Variants in SHOC2 observed in about 807,000 individuals in gnomAD.
SHOC2 encodes the protein leucine-rich repeat protein SHOC-2.
SHOC2 carries 4 observed loss-of-function variants against 50.2 expected under a neutral mutation model. The ratio of observed to expected loss-of-function variants is 0.08; its 90% CI spans 0.04 to 0.18. SHOC2 has a LOEUF of 0.18. Ranked by LOEUF, SHOC2 falls within the 10% of genes least tolerant of loss-of-function variation. SHOC2 has a pLI of 1.00. For synonymous variants in SHOC2, 218 were observed against 244.5 expected (o/e 0.89, Z 1.01); for missense variants, 388 against 669.6 (o/e 0.58, Z 4.64).
intron 3 of SHOC2, among the ~76,000 whole-genome samples, chr10:110,993,142 C>T (rs1378522544): frequency 6.6e-6 from 1 of 152,146 alleles, no homozygotes; most frequent in East Asian, 1.9e-4. Context: ...AGCTAAATGC[C>T]AGTGATTGGC....
At chr10:110,985,901 A>G (rs1848067576) in intron 3 of SHOC2, 136 bp downstream of exon 3, 1 of 729,654 alleles carries the variant, frequency 1.4e-6, no homozygotes, top group Non-Finnish European at 2.3e-6. Context: ...TTTTAAGATA[A>G]TATTTTAAAA....
At chr10:110,997,136 G>A (rs1228120228) in intron 3 of SHOC2, among the ~76,000 whole-genome samples, 1 of 152,074 alleles carries the variant, frequency 6.6e-6, no homozygotes, top group East Asian at 1.9e-4. Flanking sequence ...TGACTTAGAA[G>A]CCAGAATTAA....
rs1389535387 is a variant in SHOC2, at chr10:110,990,772, A to AT, written c.841+5007_841+5008insT. ...TCAAAAAAAACAAAAACAAAAAACA[A>AT]AAAAAAACACAACAAAATGTTGCTT... On this transcript the variant is annotated intron_variant, in intron 3 of 8. Coordinates refer to ENST00000369452, the MANE Select transcript of SHOC2 (RefSeq NM_007373.4). 8.6e-5 allele frequency among the ~76,000 whole-genome samples: 13 copies of AT among 152,046 alleles called. 1 individual carries two copies. The highest frequency in any genetic ancestry group is 1.9e-4 in the Non-Finnish European group (13 of 67,998).
chr10:110,969,559 G>A (rs1847739655), intron 2 of SHOC2, among the ~76,000 whole-genome samples: 2 of 152,070 alleles, frequency 1.3e-5, no homozygotes, highest in African/African-American at 4.8e-5. Flanking sequence ...TTGAAACCAG[G>A]TATAAACTTC....
chr10:110,977,972 G>A lies in SHOC2; in HGVS notation c.704-7656G>A, dbSNP rs573628713. On this transcript the variant is annotated intron_variant, in intron 2 of 8. Transcript: ENST00000369452. The stretch of plus-strand genomic sequence containing the variant: ...ACTGCATAAGACTTTCTTGCAGATT[G>A]CACAAATCTATTTGCTGCTCTCTTC... Among the ~76,000 whole-genome samples, 8 of 152,340 alleles carry A rather than the reference G, an allele frequency of 5.3e-5. No individual in the cohort carries two copies. In the South Asian group the frequency reaches 1.7e-3, roughly 32 times the overall value.
At chr10:111,007,300 C>A (rs1848487660) in intron 5 of SHOC2, among the ~76,000 whole-genome samples, 1 of 152,078 alleles carries the variant, frequency 6.6e-6, no homozygotes, top group Non-Finnish European at 1.5e-5. Context: ...CCATTATAAT[C>A]ACATAAGGAA....
At chr10:111,008,418 TCAAA>T (rs1388934047) in intron 6 of SHOC2, among the ~76,000 whole-genome samples, 1 of 151,878 alleles carries the variant, frequency 6.6e-6, no homozygotes, top group East Asian at 1.9e-4. Context: ...GGCTTTGAAG[TCAAA>T]CAAAGCTGAG....
At chr10:110,926,471 C>T (rs1288938321) in intron 1 of SHOC2, among the ~76,000 whole-genome samples, 1 of 152,148 alleles carries the variant, frequency 6.6e-6, no homozygotes, top group Non-Finnish European at 1.5e-5. Flanking sequence ...TCACGTAGTG[C>T]ACAATTTTTA....
At position 110,986,599 on chromosome 10, in the gene SHOC2, GAGTAGCTGGGA is replaced by G. The variant is rs1848082442; in HGVS notation, c.841+835_841+845del. The stretch of plus-strand genomic sequence containing the variant: ...TGCGATTCTCCTGCTTCAGCCTCCT[GAGTAGCTGGGA>G]CTACAGGCGTCCACCACCACGCCTG... On this transcript the variant is annotated intron_variant, in intron 3 of 8. Transcript: ENST00000369452. 2.0e-5 allele frequency among the ~76,000 whole-genome samples: 3 copies of G among 151,976 alleles called. No homozygotes were observed. The South Asian group carries it at 6.2e-4, about 32-fold the overall frequency.
At chr10:110,965,909 C>T (rs1198099669) in intron 2 of SHOC2, among the ~76,000 whole-genome samples, 1 of 151,878 alleles carries the variant, frequency 6.6e-6, no homozygotes. Context: ...CCTCTGTGGG[C>T]CCTTTTTATA....
intron 1 of SHOC2, among the ~76,000 whole-genome samples, chr10:110,950,112 C>A (rs1847322157): frequency 6.6e-6 from 1 of 152,070 alleles, no homozygotes; most frequent in African/African-American, 2.4e-5. Context: ...GTAAAATTGT[C>A]TTTCTGTAGA....
rs376101415 is a variant in SHOC2, at chr10:110,936,589, C to CT, written c.-235+16947dup. The CT allele has an allele frequency of 8.1e-3, 3,414 of 422,140 alleles. 2 individuals carry two copies. The highest frequency in any genetic ancestry group is 0.012 in the South Asian group (497 of 42,348). The allele number at this position is 422,140 out of a possible 1,614,324, so 26.1% of individuals were successfully genotyped here. ...GGAAAGGGCATGTCCTTTTCTTTTC[C>CT]TTTTTTTTTTTTTTTAACAGTCTTT... On this transcript the variant is annotated intron_variant, in intron 1 of 8. Transcript: ENST00000369452.
intron 2 of SHOC2, among the ~76,000 whole-genome samples, chr10:110,973,141 T>A (rs1590810564): frequency 6.6e-6 from 1 of 152,218 alleles, no homozygotes; most frequent in East Asian, 1.9e-4. Flanking sequence ...CTAAATCTGT[T>A]CAAACTTGTG....
At chr10:110,970,959 A>G (rs1395589042) in intron 2 of SHOC2, among the ~76,000 whole-genome samples, 1 of 151,900 alleles carries the variant, frequency 6.6e-6, no homozygotes, top group African/African-American at 2.4e-5. Context: ...ATATTAATCT[A>G]TTGTCAGATG....
chr10:110,961,951 G>A (rs1847580030), intron 1 of SHOC2, among the ~76,000 whole-genome samples: 1 of 151,798 alleles, frequency 6.6e-6, no homozygotes, highest in Admixed American at 6.6e-5. Context: ...CTTTTGTTGA[G>A]GCGTTTATTT....
At chr10:111,007,769 A>G (rs1848497526) in intron 6 of SHOC2, 116 bp downstream of exon 6, 1 of 1,049,340 alleles carries the variant, frequency 9.5e-7, no homozygotes, top group Non-Finnish European at 1.5e-6. Flanking sequence ...TAGAAATGTT[A>G]GAACTCACTT....
chr10:110,919,705 C>T (rs1399904159), intron 1 of SHOC2, 48 bp downstream of exon 1: 9 of 397,698 alleles, frequency 2.3e-5, no homozygotes, highest in Non-Finnish European at 4.0e-5. Context: ...TCGGTTCTTC[C>T]TGCCTGCCTT....
intron 1 of SHOC2, among the ~76,000 whole-genome samples, chr10:110,921,792 A>G (rs917341261): frequency 6.6e-5 from 10 of 152,114 alleles, no homozygotes; most frequent in Admixed American, 1.3e-4. Flanking sequence ...TTTTATATCC[A>G]TTAACCATCC....
At position 111,012,477 on chromosome 10, in the gene SHOC2, G is replaced by A. The variant is rs1220462515; in HGVS notation, c.*659G>A. ...GTGAAAAGATACAGTCAAAAATCTAGAATTTCTTTAATTTTGCTTCTCTGA... is the reference window on the plus strand; with the variant it reads ...GTGAAAAGATACAGTCAAAAATCTAAAATTTCTTTAATTTTGCTTCTCTGA... On this transcript the variant is annotated 3_prime_UTR_variant, in exon 9 of 9. Coordinates refer to ENST00000369452, the MANE Select transcript of SHOC2 (RefSeq NM_007373.4). 6.6e-6 allele frequency: 1 copy of A among 152,008 alleles called. No individual in the cohort carries two copies. Among genetic ancestry groups the A allele is most frequent in the Non-Finnish European group, 1.5e-5 (1 of 68,002 alleles). 9.4% of individuals were successfully genotyped at this position (152,008 alleles called of 1,614,324 possible). A position where few individuals can be genotyped will look rare whatever the true frequency, so the allele number is the denominator to read the frequency against.
Sources: allele counts gnomAD v4.1 joint callset (sites outside exome capture counted in the v4.1 genomes callset), GRCh38; gene constraint gnomAD v4.1.1; transcripts MANE v1.5; gene names NCBI Gene and HGNC (gene_info 2026-07-23, HGNC 2026-07-21).